The following KLHL29 variants were observed in gnomAD, a reference collection of about 807,000 sequenced individuals.
KLHL29 encodes the protein kelch-like protein 29.
KLHL29 carries 21 observed loss-of-function variants against 80.4 expected under a neutral mutation model. The observed-to-expected ratio is 0.26, with a 90% CI of 0.19 to 0.38. The LOEUF (loss-of-function observed/expected upper bound fraction) is 0.38. Among genes scored for constraint, KLHL29 ranks in the 10% least tolerant of loss-of-function variants. The pLI is 1.00. For missense variants in KLHL29, 867 were observed against 1,223.9 expected, an observed-to-expected ratio of 0.71 and a Z score of 4.35; for synonymous variants, 511 against 526.8, an observed-to-expected ratio of 0.97 and a Z score of 0.41.
Position 23,385,598 on chromosome 2 carries a change from GGGAGAAGGCGGAGAGCAGGAACGCGA to G in KLHL29, c.-331_-306del, listed in dbSNP as rs1666153133. On this transcript the variant is annotated 5_prime_UTR_variant, in exon 1 of 14. Coordinates refer to ENST00000486442, the MANE Select transcript of KLHL29 (RefSeq NM_052920.2). ...GCGGCGGAGGAGGAGGAGGAACGAG[GGGAGAAGGCGGAGAGCAGGAACGCGA>G]GGAGGAGGACCTGGATCCGTTTCCT... The G allele has an allele frequency of 5.9e-6, 1 of 169,046 alleles. No homozygotes were observed. 10.5% of individuals were successfully genotyped at this position (169,046 alleles called of 1,614,324 possible). A position where few individuals can be genotyped will look rare whatever the true frequency, so the allele number is the denominator to read the frequency against.
intron 5 of KLHL29, among the ~76,000 whole-genome samples, chr2:23,658,971 G>A (rs561301055): frequency 5.3e-5 from 8 of 152,262 alleles, no homozygotes; most frequent in Admixed American, 2.0e-4. Flanking sequence ...TCACCCCAGC[G>A]CAGCACAGCC....
intron 2 of KLHL29, among the ~76,000 whole-genome samples, chr2:23,502,364 C>G (rs1057002684): frequency 6.6e-6 from 1 of 152,232 alleles, no homozygotes; most frequent in African/African-American, 2.4e-5. Context: ...ACAGTGTGTT[C>G]CTGAGACGCT....
At chr2:23,578,976 T>G (rs555794083) in intron 3 of KLHL29, among the ~76,000 whole-genome samples, 1 of 152,142 alleles carries the variant, frequency 6.6e-6, no homozygotes, top group Non-Finnish European at 1.5e-5. Flanking sequence ...CTCCATGAAA[T>G]GGGAAATCAT....
At chr2:23,409,914 A>C (rs1347147356) in intron 1 of KLHL29, among the ~76,000 whole-genome samples, 1 of 152,202 alleles carries the variant, frequency 6.6e-6, no homozygotes, top group Non-Finnish European at 1.5e-5. Context: ...TAAGCTTAGC[A>C]TTTAAAGGGA....
At chr2:23,649,973 C>A (rs1446129571) in intron 5 of KLHL29, among the ~76,000 whole-genome samples, 1 of 152,226 alleles carries the variant, frequency 6.6e-6, no homozygotes, top group Non-Finnish European at 1.5e-5. Context: ...CAAGTTCTTA[C>A]TGAGCCATCA....
intron 2 of KLHL29, among the ~76,000 whole-genome samples, chr2:23,517,499 T>A (rs1299163598): frequency 1.3e-5 from 2 of 152,218 alleles, no homozygotes; most frequent in Non-Finnish European, 2.9e-5. Flanking sequence ...GCCGAGATCG[T>A]GCCACTGCAC....
chr2:23,612,615 G>A (rs553887931), intron 3 of KLHL29, among the ~76,000 whole-genome samples: 3 of 152,206 alleles, frequency 2.0e-5, no homozygotes, highest in East Asian at 1.9e-4. Context: ...GGTGGTGAAC[G>A]CCTGTAATCC....
intron 1 of KLHL29, among the ~76,000 whole-genome samples, chr2:23,422,603 T>C (rs2103403030): frequency 6.6e-6 from 1 of 152,104 alleles, no homozygotes; most frequent in African/African-American, 2.4e-5. Context: ...CTCTGTGTTG[T>C]GTGCCTGTGT....
At chr2:23,604,993 C>T (rs1448939680) in intron 3 of KLHL29, among the ~76,000 whole-genome samples, 1 of 152,174 alleles carries the variant, frequency 6.6e-6, no homozygotes, top group Non-Finnish European at 1.5e-5. Context: ...AGCGCCCCAA[C>T]TCCACCTGGC....
At chr2:23,441,024 G>T (rs1274639601) in intron 1 of KLHL29, among the ~76,000 whole-genome samples, 1 of 152,116 alleles carries the variant, frequency 6.6e-6, no homozygotes, top group South Asian at 2.1e-4. Flanking sequence ...AAAGACACAT[G>T]CACACGTATG....
At chr2:23,386,116 C>A (rs950112980) in intron 1 of KLHL29, among the ~76,000 whole-genome samples, 17 of 152,118 alleles carry the variant, frequency 1.1e-4, no homozygotes, top group African/African-American at 4.1e-4. Flanking sequence ...GAGCAGCCCC[C>A]CTGCTGGGCC....
intron 1 of KLHL29, among the ~76,000 whole-genome samples, chr2:23,455,002 G>T (rs1275532052): frequency 4.7e-5 from 1 of 21,326 alleles, no homozygotes; most frequent in Admixed American, 5.4e-4. Flanking sequence ...ACAGTGGGTT[G>T]GGGGGGGGGC....
intron 1 of KLHL29, among the ~76,000 whole-genome samples, chr2:23,401,789 T>G (rs945142019): frequency 6.6e-6 from 1 of 152,194 alleles, no homozygotes; most frequent in African/African-American, 2.4e-5. Flanking sequence ...ATCTCTCCTC[T>G]TCATTCTCTA....
At chr2:23,447,515 G>C (rs575746908) in intron 1 of KLHL29, among the ~76,000 whole-genome samples, 1 of 152,300 alleles carries the variant, frequency 6.6e-6, no homozygotes, top group Admixed American at 6.5e-5. Flanking sequence ...ATTTGATCAA[G>C]CATCCATGTA....
At chr2:23,623,006 T>G (rs1466118315) in intron 3 of KLHL29, among the ~76,000 whole-genome samples, 1 of 152,174 alleles carries the variant, frequency 6.6e-6, no homozygotes, top group East Asian at 1.9e-4. Flanking sequence ...GTGAGAAACC[T>G]TGTCCTGCCC....
rs115003361 is a variant in KLHL29, at chr2:23,503,597, G to C, written c.-46+27930G>C. The stretch of plus-strand genomic sequence containing the variant: ...AGCCCACCGAGACTGCTGCAGCCTC[G>C]CTCATCCAGAACAGAGGCACCATGG... On this transcript the variant is annotated intron_variant, in intron 2 of 13. Transcript: ENST00000486442. The surrounding 1 kb of genome is among the most constrained non-coding windows in gnomAD (Gnocchi z 4.0). Among the ~76,000 whole-genome samples the C allele has an allele frequency of 6.6e-6, 1 of 151,564 alleles. No homozygotes were observed. The highest frequency in any genetic ancestry group is 1.5e-5 in the Non-Finnish European group (1 of 67,960).
intron 1 of KLHL29, among the ~76,000 whole-genome samples, chr2:23,392,800 C>G (rs986691541): frequency 2.6e-5 from 4 of 152,170 alleles, no homozygotes; most frequent in Non-Finnish European, 5.9e-5. Context: ...TGCATCTGCA[C>G]CACTTCATAC....
intron 1 of KLHL29, among the ~76,000 whole-genome samples, chr2:23,398,360 C>A (rs990351391): frequency 6.6e-6 from 1 of 152,190 alleles, no homozygotes; most frequent in Non-Finnish European, 1.5e-5. Context: ...AAGCCAGTCA[C>A]GAAAGGACCA....
chr2:23,386,056 C>A (rs1455407228), intron 1 of KLHL29, among the ~76,000 whole-genome samples: 3 of 152,142 alleles, frequency 2.0e-5, no homozygotes, highest in Non-Finnish European at 2.9e-5. Context: ...CTGCCTGGGG[C>A]CACTGTCACG....
Sources: gnomAD v4.1 joint callset for allele counts (sites outside exome capture counted in the v4.1 genomes callset) on GRCh38, gnomAD v4.1.1 for gene constraint, Gnocchi (gnomAD v3.1) non-coding constraint, MANE v1.5 for transcripts, NCBI Gene and HGNC (gene_info 2026-07-23, HGNC 2026-07-21) for gene names.